ERC1: variants seen among roughly 807,000 people sequenced by gnomAD.
ERC1 encodes the protein RAB6 interacting protein 2.
Under a neutral mutation model 132.0 loss-of-function variants are expected in ERC1, and 56 were observed. The ratio of observed to expected loss-of-function variants is 0.42; its 90% CI spans 0.34 to 0.53. The LOEUF is 0.53. Ranked by LOEUF, ERC1 falls within the 20% of genes least tolerant of loss-of-function variation. The probability of loss-of-function intolerance (pLI) is 0.03; values close to 1 mark genes in which losing one functional copy is unlikely to be tolerated. For missense variants in ERC1, 1,202 were observed against 1,349.9 expected, an observed-to-expected ratio of 0.89 and a Z score of 1.72; for synonymous variants, 478 against 476.1, an observed-to-expected ratio of 1.00 and a Z score of -0.05.
intron 15 of ERC1, among the ~76,000 whole-genome samples, chr12:1,339,726 C>G (rs1026678091): frequency 6.6e-6 from 1 of 152,142 alleles, no homozygotes; most frequent in East Asian, 1.9e-4. Flanking sequence ...TGTGTTAATA[C>G]GGATGTGGGT....
chr12:991,185 C>T (rs1198384503), upstream of ERC1: 1 of 140,382 alleles, frequency 7.1e-6, no homozygotes, highest in Non-Finnish European at 1.5e-5. Flanking sequence ...GGGGGCGGGG[C>T]TAGGTGTCTC....
intron 17 of ERC1, among the ~76,000 whole-genome samples, chr12:1,418,631 C>CT (rs1491298846): frequency 1.7e-5 from 2 of 114,408 alleles, no homozygotes; most frequent in African/African-American, 8.2e-5. Flanking sequence ...TTCTTTCTTT[C>CT]TTTCTTTCTT....
intron 3 of ERC1, among the ~76,000 whole-genome samples, chr12:1,096,474 A>G (rs1249579440): frequency 2.0e-5 from 3 of 152,194 alleles, no homozygotes; most frequent in Non-Finnish European, 2.9e-5. Flanking sequence ...TACTCAGACA[A>G]TTTAAAGTTC....
intron 12 of ERC1, among the ~76,000 whole-genome samples, chr12:1,196,325 T>C (rs1239928277): frequency 6.6e-6 from 1 of 152,092 alleles, no homozygotes; most frequent in Non-Finnish European, 1.5e-5. Flanking sequence ...TATAGCAGAT[T>C]TTTGCCTCCG....
chr12:1,362,314 A>T (rs1042700863), intron 15 of ERC1, among the ~76,000 whole-genome samples: 2 of 152,196 alleles, frequency 1.3e-5, no homozygotes, highest in African/African-American at 4.8e-5. Context: ...ACCAGGTCTT[A>T]TGAGTTCTTC....
chr12:1,216,416 G>T (rs892086460), intron 12 of ERC1, among the ~76,000 whole-genome samples: 1 of 151,904 alleles, frequency 6.6e-6, no homozygotes, highest in Non-Finnish European at 1.5e-5. Flanking sequence ...TGTTACTTCT[G>T]TATTATGCAT....
At chr12:1,209,678 T>G (rs952806418) in intron 12 of ERC1, among the ~76,000 whole-genome samples, 1 of 152,226 alleles carries the variant, frequency 6.6e-6, no homozygotes, top group East Asian at 1.9e-4. Flanking sequence ...AATAGAGTTC[T>G]TATTTGATGG....
chr12:1,391,122 G>C (rs954710248), intron 16 of ERC1: 3 of 152,226 alleles, frequency 2.0e-5, no homozygotes, highest in African/African-American at 7.2e-5. Flanking sequence ...TTGGGATGTT[G>C]AGTGATTCTC....
At chr12:1,187,711 C>T (rs976809343) in intron 11 of ERC1, among the ~76,000 whole-genome samples, 9 of 152,302 alleles carry the variant, frequency 5.9e-5, no homozygotes, top group Admixed American at 4.6e-4. Context: ...GAAACTAGCA[C>T]ACTGCTTTTG....
chr12:1,425,109 T>C (rs1027729481), intron 17 of ERC1, among the ~76,000 whole-genome samples: 2 of 152,070 alleles, frequency 1.3e-5, no homozygotes, highest in African/African-American at 2.4e-5. Flanking sequence ...CTGCTTAGAG[T>C]AGAACAGGGT....
chr12:1,444,654 C>T lies in ERC1; in HGVS notation c.3117C>T (p.Pro1039=), dbSNP rs149419179. 1 of 1,614,126 alleles carries T rather than the reference C, an allele frequency of 6.2e-7. No individual in the cohort carries two copies. The highest frequency in any genetic ancestry group is 2.2e-5 in the East Asian group (1 of 44,892). Residue 1039 remains proline (P), a synonymous_variant, in exon 18 of 19, where the codon CCC becomes CCT. Transcript: ENST00000360905. ...HLTTLCHDRD[P]LILRGLTPPA... Reference sequence around the variant, plus strand: ...CAACCCTCTGCCATGACCGAGACCCCCTGATCCTCCGTGGACTCACTCCAC... The same window carrying T: ...CAACCCTCTGCCATGACCGAGACCCTCTGATCCTCCGTGGACTCACTCCAC...
upstream of ERC1, among the ~76,000 whole-genome samples, chr12:990,843 C>G (rs1257045598): frequency 6.6e-6 from 1 of 151,712 alleles, no homozygotes; most frequent in Non-Finnish European, 1.5e-5. Context: ...GGGCTTCCAG[C>G]GTCCACTTCC....
chr12:1,241,983 C>T (rs111483175), intron 13 of ERC1, among the ~76,000 whole-genome samples: 8,067 of 150,914 alleles, frequency 0.053, 463 homozygotes, highest in African/African-American at 0.15. Flanking sequence ...CTCAGCCTCC[C>T]GAGAAGCTGG....
intron 1 of ERC1, among the ~76,000 whole-genome samples, chr12:994,568 A>C (rs1278642890): frequency 6.6e-6 from 1 of 152,222 alleles, no homozygotes; most frequent in African/African-American, 2.4e-5. Flanking sequence ...AAGCTGGTCA[A>C]ATGAATTAAT....
chr12:1,075,200 A>G (rs1941130267), intron 2 of ERC1, among the ~76,000 whole-genome samples: 1 of 152,144 alleles, frequency 6.6e-6, no homozygotes. Flanking sequence ...GGAAATTAGA[A>G]TTCAGTTGAC....
At chr12:1,396,561 T>G (rs568263227) in intron 16 of ERC1, among the ~76,000 whole-genome samples, 2 of 152,226 alleles carry the variant, frequency 1.3e-5, no homozygotes, top group Non-Finnish European at 2.9e-5. Flanking sequence ...CTGTTTCAGA[T>G]AGCGCGGAAA....
At chr12:1,101,187 G>A (rs1944617206) in intron 3 of ERC1, among the ~76,000 whole-genome samples, 1 of 152,124 alleles carries the variant, frequency 6.6e-6, no homozygotes, top group Admixed American at 6.5e-5. Context: ...GACCAAATAT[G>A]TTATTTCTCA....
chr12:1,103,368 G>T (rs982531408), intron 3 of ERC1, among the ~76,000 whole-genome samples: 1 of 152,174 alleles, frequency 6.6e-6, no homozygotes, highest in African/African-American at 2.4e-5. Flanking sequence ...AGTTGGAGTC[G>T]AATGGGGAGC....
At chr12:1,224,835 A>G (rs2074425147) in intron 12 of ERC1, among the ~76,000 whole-genome samples, 1 of 151,530 alleles carries the variant, frequency 6.6e-6, no homozygotes, top group Non-Finnish European at 1.5e-5. Flanking sequence ...AAACAGCAAT[A>G]ACAAAATTAG....
Sources: allele counts gnomAD v4.1 joint callset (sites outside exome capture counted in the v4.1 genomes callset), GRCh38; gene constraint gnomAD v4.1.1; transcripts MANE v1.5; gene names NCBI Gene and HGNC (gene_info 2026-07-23, HGNC 2026-07-21).